Variants in NOSIP observed in about 807,000 individuals in gnomAD.
NOSIP encodes nitric oxide synthase-interacting protein.
NOSIP carries 25 observed loss-of-function variants against 36.4 expected under a neutral mutation model. The ratio of observed to expected loss-of-function variants is 0.69; its 90% CI spans 0.50 to 0.96. The LOEUF (loss-of-function observed/expected upper bound fraction) is 0.96. NOSIP is among the 40% of genes least tolerant of loss of function. NOSIP has a pLI of 0.00. For missense variants in NOSIP, 370 were observed against 429.0 expected, an observed-to-expected ratio of 0.86 and a Z score of 1.21; for synonymous variants, 187 against 179.2, an observed-to-expected ratio of 1.04 and a Z score of -0.35.
rs755229511 is a variant in NOSIP, at chr19:49,559,005, G to C, written c.177-27C>G. ...TGCAAAGACAGGGTGCAATGAGAAAGAAAGAAAGTGATCCTCCCGCCTCGG... is the reference window on the plus strand; with the variant it reads ...TGCAAAGACAGGGTGCAATGAGAAACAAAGAAAGTGATCCTCCCGCCTCGG... On this transcript the variant is annotated intron_variant, in intron 3 of 8. Transcript: ENST00000596358. 2.5e-6 allele frequency: 4 copies of C among 1,591,322 alleles called. No individual in the cohort carries two copies. The Admixed American group carries it at 6.7e-5, about 27-fold the overall frequency.
At chr19:49,570,474 TA>T in intron 1 of NOSIP, among the ~76,000 whole-genome samples, 1 of 152,296 alleles carries the variant, frequency 6.6e-6, no homozygotes, top group African/African-American at 2.4e-5. Flanking sequence ...CTGACAAATG[TA>T]TACACCCTTG....
intron 4 of NOSIP, chr19:49,558,589 C>A (rs1485735395): frequency 1.9e-5 from 6 of 317,828 alleles, no homozygotes; most frequent in African/African-American, 1.3e-4. Flanking sequence ...AGGACCTAAG[C>A]TACAGGGTGG....
At chr19:49,559,185 G>C in intron 3 of NOSIP, 1 of 577,364 alleles carries the variant, frequency 1.7e-6, no homozygotes, top group East Asian at 2.9e-5. Context: ...AAAGGAAAAA[G>C]GCACATGGGG....
intron 1 of NOSIP, among the ~76,000 whole-genome samples, chr19:49,565,196 C>T (rs2080389882): frequency 6.6e-6 from 1 of 151,552 alleles, no homozygotes; most frequent in Non-Finnish European, 1.5e-5. Flanking sequence ...CACCTGAGCC[C>T]AGGGAGGTCA....
At chr19:49,576,091 C>T (rs556335833) in intron 1 of NOSIP, among the ~76,000 whole-genome samples, 7 of 151,916 alleles carry the variant, frequency 4.6e-5, no homozygotes, top group African/African-American at 1.7e-4. Context: ...GCGGAGATCA[C>T]GCCACTGCAC....
rs994304770 is a variant in NOSIP, at chr19:49,576,449, C to T, written c.-2+4066G>A. Among the ~76,000 whole-genome samples the T allele has an allele frequency of 2.1e-4, 32 of 152,196 alleles. 1 individual carries two copies. The highest frequency in any genetic ancestry group is 1.9e-3 in the Admixed American group (29 of 15,264). Reference sequence around the variant, plus strand: ...AAAATTAGCCGGGCATAGTGGCATGCGCCTGTGGTCCCAGCTACTTGGGAG... The same window carrying T: ...AAAATTAGCCGGGCATAGTGGCATGTGCCTGTGGTCCCAGCTACTTGGGAG... On this transcript the variant is annotated intron_variant, in intron 1 of 8. Transcript: ENST00000596358.
At chr19:49,573,180 A>G (rs2080508406) in intron 1 of NOSIP, among the ~76,000 whole-genome samples, 1 of 152,118 alleles carries the variant, frequency 6.6e-6, no homozygotes, top group Non-Finnish European at 1.5e-5. Flanking sequence ...GTTTGATCCA[A>G]GCACCTGTGG....
At chr19:49,556,783 G>C in intron 6 of NOSIP, 47 bp from the exon 7 acceptor site, 1 of 1,587,028 alleles carries the variant, frequency 6.3e-7, no homozygotes, top group South Asian at 1.1e-5. Flanking sequence ...GGCTGGCGCA[G>C]GTGGAGAGCG....
intron 1 of NOSIP, among the ~76,000 whole-genome samples, chr19:49,578,404 A>G (rs943657258): frequency 1.8e-4 from 28 of 152,130 alleles, no homozygotes; most frequent in Admixed American, 1.7e-3. Flanking sequence ...GATTACAGGC[A>G]TGAGCCACTG....
At chr19:49,579,059 A>C (rs1010193022) in intron 1 of NOSIP, 1 of 152,222 alleles carries the variant, frequency 6.6e-6, no homozygotes, top group African/African-American at 2.4e-5. Context: ...AATCGATTAC[A>C]CCAAGAAATA....
chr19:49,556,781 C>T (rs2080254861), intron 6 of NOSIP, 45 bp from the exon 7 acceptor site: 11 of 1,586,276 alleles, frequency 6.9e-6, no homozygotes, highest in South Asian at 1.1e-5. Flanking sequence ...AGGGCTGGCG[C>T]AGGTGGAGAG....
chr19:49,557,826 C>G, intron 4 of NOSIP: 2 of 987,858 alleles, frequency 2.0e-6, no homozygotes, highest in Non-Finnish European at 2.4e-6. Context: ...TGCTGCAGTT[C>G]CAGACCACCC....
At chr19:49,556,139 G>A (rs182040384) in intron 8 of NOSIP, among the ~76,000 whole-genome samples, 178 bp downstream of exon 8, 1 of 76,726 alleles carries the variant, frequency 1.3e-5, no homozygotes, top group Non-Finnish European at 2.4e-5. Context: ...GAGAGCGGAG[G>A]GGGGGAAGGG....
At chr19:49,579,450 T>C (rs7257088) in intron 1 of NOSIP, among the ~76,000 whole-genome samples, 14,951 of 152,190 alleles carry the variant, frequency 0.098, 1,839 homozygotes, top group African/African-American at 0.28. Context: ...AGAGAGATAA[T>C]AGCCAAATCC....
chr19:49,570,348 C>T lies in NOSIP; in HGVS notation c.-1-9656G>A, dbSNP rs574659560. Among the ~76,000 whole-genome samples, 79 of 152,096 alleles carry T rather than the reference C, an allele frequency of 5.2e-4. 1 individual carries two copies. The highest frequency in any genetic ancestry group is 9.0e-4 in the Non-Finnish European group (61 of 68,014). On this transcript the variant is annotated intron_variant, in intron 1 of 8. Coordinates refer to ENST00000596358, the MANE Select transcript of NOSIP (RefSeq NM_001270960.2). ...CCCATTCAAAACTTGAAACACAAAC[C>T]TCTGGGAGCTATGGAGCTCTCTCTC...
At chr19:49,570,409 G>C (rs753242658) in intron 1 of NOSIP, among the ~76,000 whole-genome samples, 4 of 152,086 alleles carry the variant, frequency 2.6e-5, no homozygotes, top group Non-Finnish European at 5.9e-5. Context: ...CACTCTTTGG[G>C]TTTTAGGTAT....
At chr19:49,565,527 T>G (rs1248961341) in intron 1 of NOSIP, among the ~76,000 whole-genome samples, 1 of 151,938 alleles carries the variant, frequency 6.6e-6, no homozygotes, top group Non-Finnish European at 1.5e-5. Context: ...AGCTGGAAGA[T>G]CACTTGAGCT....
intron 7 of NOSIP, 52 bp from the exon 8 acceptor site, chr19:49,556,477 C>T: frequency 6.2e-7 from 1 of 1,607,298 alleles, no homozygotes. Context: ...TCCTGGGGAC[C>T]TACTGGCCCC....
At chr19:49,564,450 T>A in intron 1 of NOSIP, among the ~76,000 whole-genome samples, 2 of 99,206 alleles carry the variant, frequency 2.0e-5, no homozygotes, top group East Asian at 3.3e-4. Flanking sequence ...CGAGACTCCA[T>A]CTCAAAAAAA....
Sources: allele counts gnomAD v4.1 joint callset (sites outside exome capture counted in the v4.1 genomes callset), GRCh38; gene constraint gnomAD v4.1.1; transcripts MANE v1.5; gene names NCBI Gene and HGNC (gene_info 2026-07-23, HGNC 2026-07-21).